CDK15: variants seen among roughly 807,000 people sequenced by gnomAD.
CDK15 encodes the protein cyclin-dependent kinase 15.
Under a neutral mutation model 60.3 loss-of-function variants are expected in CDK15, and 62 were observed. That is an observed-to-expected ratio of 1.03 (90% CI 0.84 to 1.27). The LOEUF is 1.27. CDK15 is among the 50% of genes most tolerant of loss of function. The pLI, the probability that CDK15 is intolerant of heterozygous loss-of-function variation, is 0.00. For synonymous variants in CDK15, 194 were observed against 195.7 expected (o/e 0.99, Z 0.07); for missense variants, 541 against 527.8 (o/e 1.03, Z -0.25).
intron 6 of CDK15, among the ~76,000 whole-genome samples, chr2:201,828,762 A>T (rs1190968240): frequency 6.6e-6 from 1 of 152,146 alleles, no homozygotes; most frequent in Non-Finnish European, 1.5e-5. Context: ...CCTCCATGAG[A>T]GTTCAGCTAT....
chr2:201,855,944 G>C (rs1698129574), intron 10 of CDK15, among the ~76,000 whole-genome samples: 1 of 151,348 alleles, frequency 6.6e-6, no homozygotes, highest in African/African-American at 2.4e-5. Context: ...TCCTGCCTCA[G>C]CCTCCCCAAG....
intron 11 of CDK15, 43 bp downstream of exon 11, chr2:201,872,369 C>A (rs1210757948): frequency 1.3e-6 from 2 of 1,560,726 alleles, no homozygotes; most frequent in East Asian, 4.5e-5. Context: ...GATCTTTAAG[C>A]AGGATTGGAG....
rs1368361366 is a variant in CDK15 at position 201,806,838 on chromosome 2, T to C, written c.123+51T>C. 24 of 1,578,436 alleles carry C rather than the reference T, an allele frequency of 1.5e-5. No homozygotes were observed. The East Asian group carries it at 5.4e-4, about 36-fold the overall frequency. On this transcript the variant is annotated intron_variant, in intron 1 of 13. Transcript: ENST00000652192. ...CTTTCTCTATTGATAAACCAAGGAG[T>C]TCAGACACTCCCTTTTTGTAGCGGG...
intron 12 of CDK15, among the ~76,000 whole-genome samples, chr2:201,883,815 C>T (rs1424474125): frequency 6.6e-6 from 1 of 152,214 alleles, no homozygotes; most frequent in Non-Finnish European, 1.5e-5. Context: ...TCAGCTGGAG[C>T]AGCTAGGACC....
intron 11 of CDK15, 59 bp downstream of exon 11, chr2:201,872,385 T>C: frequency 6.4e-7 from 1 of 1,559,538 alleles, no homozygotes; most frequent in Non-Finnish European, 8.8e-7. Flanking sequence ...TGGAGAGACA[T>C]TTCCCTGGAT....
At chr2:201,833,717 T>TTCTTTTTC in intron 6 of CDK15, 131 bp from the exon 7 acceptor site, 1 of 168,028 alleles carries the variant, frequency 6.0e-6, no homozygotes, top group Non-Finnish European at 1.1e-5. Context: ...CTTCTTCTTC[T>TTCTTTTTC]TTTTTTTTTT....
chr2:201,892,568 G>A (rs1699672377), intron 13 of CDK15, among the ~76,000 whole-genome samples: 1 of 152,214 alleles, frequency 6.6e-6, no homozygotes, highest in Admixed American at 6.5e-5. Flanking sequence ...ATTGAAGAAG[G>A]GAGAAGGCAG....
intron 10 of CDK15, among the ~76,000 whole-genome samples, chr2:201,868,732 A>T (rs1698735540): frequency 6.6e-6 from 1 of 152,142 alleles, no homozygotes; most frequent in South Asian, 2.1e-4. Flanking sequence ...ATGAACAGAC[A>T]CTTCTCAAAA....
chr2:201,860,683 G>T, intron 10 of CDK15: 1 of 1,350,588 alleles, frequency 7.4e-7, no homozygotes, highest in Non-Finnish European at 9.8e-7. Flanking sequence ...TAAGCGACAG[G>T]CCAAGGGATG....
intron 6 of CDK15, among the ~76,000 whole-genome samples, chr2:201,828,058 G>A (rs1297240282): frequency 2.6e-5 from 4 of 152,194 alleles, no homozygotes; most frequent in African/African-American, 9.6e-5. Flanking sequence ...GAAAAGGATG[G>A]GGCCAAACAT....
At chr2:201,829,927 C>A (rs563643922) in intron 6 of CDK15, among the ~76,000 whole-genome samples, 1 of 152,256 alleles carries the variant, frequency 6.6e-6, no homozygotes, top group South Asian at 2.1e-4. Flanking sequence ...CCTGCCTCAG[C>A]CTCTCAAGTA....
At chr2:201,833,713 CTTCTTTT>C (rs1696865452) in intron 6 of CDK15, 128 bp from the exon 7 acceptor site, 816 of 447,860 alleles carry the variant, frequency 1.8e-3, no homozygotes, top group Non-Finnish European at 2.1e-3. Flanking sequence ...TCTTCTTCTT[CTTCTTTT>C]TTTTTTTTTT....
rs780384158 is a variant in CDK15 at position 201,822,855 on chromosome 2, T to G, written c.495T>G (p.His165Gln). ...GLKHANIVLL[H>Q]DIIHTKETLT... ...AACATGCCAATATTGTGCTCCTGCA[T>G]GACATAATCCACACCAAAGAGACAC... The change falls in exon 5 of 14, where the codon CAT (histidine) becomes CAG (glutamine). Residue 165 changes from histidine to glutamine, a missense_variant. By Grantham distance (24) the His-to-Gln change is conservative (BLOSUM62 0). Coordinates refer to ENST00000652192, the MANE Select transcript of CDK15 (RefSeq NM_001366386.2). 5.0e-6 allele frequency: 8 copies of G among 1,613,512 alleles called. No homozygotes were observed. The South Asian group carries it at 7.7e-5, about 16-fold the overall frequency.
Position 201,823,728 on chromosome 2 carries a change from G to A in CDK15, c.606+1G>A, listed in dbSNP as rs768185763. The stretch of plus-strand genomic sequence containing the variant: ...AGGGCTTCATCCTCATAATGTCAGA[G>A]TGAGTACGTTAAGGGTCAGGACCCT... On this transcript the variant is annotated splice_donor_variant, in intron 6 of 13. Transcript: ENST00000652192. LOFTEE classifies it high-confidence loss of function. 14 of 1,613,314 alleles carry A rather than the reference G, an allele frequency of 8.7e-6. No individual in the cohort carries two copies. The highest frequency in any genetic ancestry group is 1.2e-5 in the Non-Finnish European group (14 of 1,179,598).
chr2:201,868,168 G>A (rs1698705027), intron 10 of CDK15, among the ~76,000 whole-genome samples: 1 of 152,160 alleles, frequency 6.6e-6, no homozygotes, highest in South Asian at 2.1e-4. Context: ...TAACAATAAG[G>A]CAGAAACACC....
intron 10 of CDK15, among the ~76,000 whole-genome samples, chr2:201,871,321 A>G (rs548520463): frequency 6.6e-6 from 1 of 151,872 alleles, no homozygotes; most frequent in South Asian, 2.1e-4. Flanking sequence ...CACCAGGCTC[A>G]GTTGTTGTTG....
intron 11 of CDK15, among the ~76,000 whole-genome samples, chr2:201,875,757 A>G (rs1186921426): frequency 6.6e-6 from 1 of 152,202 alleles, no homozygotes; most frequent in Non-Finnish European, 1.5e-5. Context: ...ATACCTGTCT[A>G]AAAGCAAAGG....
At chr2:201,811,529 G>A (rs1192165450) in intron 3 of CDK15, among the ~76,000 whole-genome samples, 1 of 152,074 alleles carries the variant, frequency 6.6e-6, no homozygotes, top group African/African-American at 2.4e-5. Flanking sequence ...GAGGAAAAAA[G>A]GTTACTAACA....
chr2:201,881,620 G>A (rs555345673), intron 12 of CDK15, among the ~76,000 whole-genome samples: 1 of 152,340 alleles, frequency 6.6e-6, no homozygotes, highest in South Asian at 2.1e-4. Flanking sequence ...GAATTCAAAT[G>A]AGATGGATTA....
Sources: gnomAD v4.1 joint callset for allele counts (sites outside exome capture counted in the v4.1 genomes callset) on GRCh38, gnomAD v4.1.1 for gene constraint, MANE v1.5 for transcripts, NCBI Gene and HGNC (gene_info 2026-07-23, HGNC 2026-07-21) for gene names.